ANKRD36B: variants seen among roughly 807,000 people sequenced by gnomAD.
ANKRD36B encodes the protein ankyrin repeat domain 36B.
A neutral mutation model predicts 135.7 loss-of-function variants in ANKRD36B; 37 were observed. That is an observed-to-expected ratio of 0.27 (90% CI 0.21 to 0.36). The LOEUF is 0.36. Ranked by LOEUF, ANKRD36B falls within the 10% of genes least tolerant of loss-of-function variation. The pLI is 1.00. For missense variants in ANKRD36B, 549 were observed against 1,037.1 expected (o/e 0.53, Z 6.46); for synonymous variants, 179 against 348.1 (o/e 0.51, Z 5.41).
At chr2:97,556,808 A>C in intron 12 of ANKRD36B, 129 bp downstream of exon 12, 17 of 1,426,098 alleles carry the variant, frequency 1.2e-5, no homozygotes, top group Non-Finnish European at 1.5e-5. Flanking sequence ...AACTTACTAG[A>C]AATGCACAAT....
chr2:97,549,469 G>A lies in ANKRD36B; in HGVS notation c.1427C>T (p.Ser476Phe), dbSNP rs1315920132. The change falls in exon 20 of 44, where the codon TCT (serine) becomes TTT (phenylalanine). Residue 476 changes from serine (S) to phenylalanine (F), a missense_variant. Ser to Phe is a radical substitution (Grantham distance 155). Transcript: ENST00000359901. ...ALKATSVKED[S>F]VLNIAREKKD... is the part of the protein sequence containing the mutation. ...TTTTTCTCTGGCTATATTCAAAACA[G>A]AATCTTCCTTGACACTTGTAGCCTG... The A allele has an allele frequency of 6.3e-7, 1 of 1,591,190 alleles. No individual in the cohort carries two copies. Among genetic ancestry groups the A allele is most frequent in the South Asian group, 1.1e-5 (1 of 88,852 alleles).
At chr2:97,554,470 T>A (rs13395166) in intron 14 of ANKRD36B, among the ~76,000 whole-genome samples, 5 of 151,798 alleles carry the variant, frequency 3.3e-5, no homozygotes, top group East Asian at 2.0e-4. Flanking sequence ...TTCCTGGAGC[T>A]GCCAAAATCA....
At chr2:97,562,021 T>C (rs1460017875) in intron 6 of ANKRD36B, among the ~76,000 whole-genome samples, 2 of 152,014 alleles carry the variant, frequency 1.3e-5, no homozygotes, top group Non-Finnish European at 2.9e-5. Context: ...CTAAGAGTTA[T>C]AATTTAAAAA....
At chr2:97,546,209 G>A (rs6744616) in intron 22 of ANKRD36B, among the ~76,000 whole-genome samples, 84,297 of 151,466 alleles carry the variant, frequency 0.56, 25,099 homozygotes, top group Non-Finnish European at 0.67. Context: ...TGTCAAAGCA[G>A]GTGCTACATG....
At chr2:97,498,232 G>A (rs1275575723) in intron 43 of ANKRD36B, among the ~76,000 whole-genome samples, 3 of 86,386 alleles carry the variant, frequency 3.5e-5, no homozygotes, top group African/African-American at 1.3e-4. Flanking sequence ...TTCTGAAGGA[G>A]AAGAAAAAGA....
At chr2:97,559,209 C>G (rs1255201305) in intron 8 of ANKRD36B, among the ~76,000 whole-genome samples, 1 of 151,624 alleles carries the variant, frequency 6.6e-6, no homozygotes, top group Admixed American at 6.6e-5. Context: ...CAATTTCAAA[C>G]ATGGTATGAT....
intron 34 of ANKRD36B, among the ~76,000 whole-genome samples, chr2:97,535,424 C>T (rs1227546942): frequency 1.8e-5 from 2 of 108,180 alleles, no homozygotes; most frequent in Non-Finnish European, 5.0e-5. Context: ...CAAACTATCT[C>T]ATCTACTCCA....
At chr2:97,570,328 A>G (rs2081757994) in intron 6 of ANKRD36B, among the ~76,000 whole-genome samples, 1 of 152,226 alleles carries the variant, frequency 6.6e-6, no homozygotes, top group Non-Finnish European at 1.5e-5. Flanking sequence ...AATAATTCAT[A>G]TAACAGTCAT....
intron 29 of ANKRD36B, 32 bp downstream of exon 29, chr2:97,540,169 C>G (rs1362543130): frequency 1.0e-6 from 1 of 958,756 alleles, no homozygotes; most frequent in African/African-American, 1.7e-5. Context: ...TATACAATTA[C>G]TAGTTCACAA....
chr2:97,559,307 C>T (rs1048274773), intron 8 of ANKRD36B, among the ~76,000 whole-genome samples: 3 of 151,862 alleles, frequency 2.0e-5, no homozygotes, highest in Non-Finnish European at 2.9e-5. Flanking sequence ...GAGTAACTCA[C>T]ACACCTGAGA....
In ANKRD36B at chr2:97,529,844, C is replaced by A. The variant is rs2078464329; in HGVS notation, c.2265+2467G>T. ...ATAAAATACCTAGGAATCCAACTTA[C>A]AAGGGACGTGAAGGACCTCTTCAAG... On this transcript the variant is annotated intron_variant, in intron 35 of 43. Transcript: ENST00000359901. Among the ~76,000 whole-genome samples, 2 of 95,636 alleles carry A rather than the reference C, an allele frequency of 2.1e-5. 1 individual carries two copies. Among genetic ancestry groups the A allele is most frequent in the Admixed American group, 1.8e-4 (2 of 10,814 alleles). The allele number at this position is 95,636 out of a possible 152,430, so 62.7% of individuals were successfully genotyped here.
intron 22 of ANKRD36B, among the ~76,000 whole-genome samples, chr2:97,546,488 T>G (rs1344087887): frequency 2.0e-5 from 3 of 151,846 alleles, no homozygotes; most frequent in African/African-American, 7.2e-5. Flanking sequence ...TCCACTAGTT[T>G]AGACTTCTGA....
Position 97,541,105 on chromosome 2 carries a change from T to C in ANKRD36B, c.1885+806A>G, listed in dbSNP as rs1189544633. ...AGTCTTGTTGGGAGTATCATGCTATTCTCTAAAGAAGTTTCATCCAATAGC... is the reference window on the plus strand; with the variant it reads ...AGTCTTGTTGGGAGTATCATGCTATCCTCTAAAGAAGTTTCATCCAATAGC... On this transcript the variant is annotated intron_variant, in intron 28 of 43. Transcript: ENST00000359901. Among the ~76,000 whole-genome samples the C allele has an allele frequency of 2.1e-5, 2 of 96,712 alleles. 1 individual carries two copies. Among genetic ancestry groups the C allele is most frequent in the African/African-American group, 6.2e-5 (2 of 32,406 alleles). The allele number at this position is 96,712 out of a possible 152,430, so 63.4% of individuals were successfully genotyped here.
At chr2:97,566,543 T>A (rs1460205652) in intron 6 of ANKRD36B, among the ~76,000 whole-genome samples, 2 of 152,168 alleles carry the variant, frequency 1.3e-5, no homozygotes, top group African/African-American at 4.8e-5. Context: ...CATGTACTTA[T>A]CAAATGCAAA....
chr2:97,560,891 A>G lies in ANKRD36B; in HGVS notation c.764-31T>C, dbSNP rs201367102. 2.5e-3 allele frequency: 3,759 copies of G among 1,526,094 alleles called. 5 individuals are homozygous for G. The highest frequency in any genetic ancestry group is 3.1e-3 in the Non-Finnish European group (3,454 of 1,129,206). 94.5% of individuals were successfully genotyped at this position (1,526,094 alleles called of 1,614,324 possible). A position where few individuals can be genotyped will look rare whatever the true frequency, so the allele number is the denominator to read the frequency against. On this transcript the variant is annotated intron_variant, in intron 6 of 43. Coordinates refer to ENST00000359901, the MANE Select transcript of ANKRD36B (RefSeq NM_001393939.1). ...AAGCAAAAGGGATACATAATCAATC[A>G]TATGTAAATATGATAATGTTATCCA...
In ANKRD36B at chr2:97,539,837, C is replaced by G. The variant is rs1177605476; in HGVS notation, c.1987+197G>C. 6.8e-6 allele frequency: 2 copies of G among 294,286 alleles called. 1 individual carries two copies. The allele number at this position is 294,286 out of a possible 1,614,324, so 18.2% of individuals were successfully genotyped here. Reference sequence around the variant, plus strand: ...CTTCCCAATTTCAATGTGGGGAAGTCTATAATCTTACTTCGAAGATCACGT... The same window carrying G: ...CTTCCCAATTTCAATGTGGGGAAGTGTATAATCTTACTTCGAAGATCACGT... On this transcript the variant is annotated intron_variant, in intron 30 of 43. Transcript: ENST00000359901.
chr2:97,563,683 T>C (rs1173471965), intron 6 of ANKRD36B, among the ~76,000 whole-genome samples: 1 of 152,084 alleles, frequency 6.6e-6, no homozygotes, highest in Non-Finnish European at 1.5e-5. Context: ...AAGCACACAC[T>C]GGATTTTCTC....
chr2:97,530,704 T>A, intron 35 of ANKRD36B, among the ~76,000 whole-genome samples: 1 of 94,998 alleles, frequency 1.1e-5, no homozygotes, highest in East Asian at 2.4e-4. Context: ...CAAACAAATT[T>A]ACAAGAAAAA....
At chr2:97,581,801 A>G (rs905706883) in intron 3 of ANKRD36B, among the ~76,000 whole-genome samples, 39 of 152,008 alleles carry the variant, frequency 2.6e-4, no homozygotes, top group Non-Finnish European at 4.7e-4. Flanking sequence ...TCATTTATTT[A>G]TTTATTTATT....
Sources: allele counts gnomAD v4.1 joint callset (sites outside exome capture counted in the v4.1 genomes callset), GRCh38; gene constraint gnomAD v4.1.1; transcripts MANE v1.5; gene names NCBI Gene and HGNC (gene_info 2026-07-23, HGNC 2026-07-21).